The following TM4SF4 variants were observed in gnomAD, a reference collection of about 807,000 sequenced individuals.
TM4SF4 encodes the protein transmembrane 4 L6 family member 4.
In TM4SF4, 24 loss-of-function variants were observed where a neutral mutation model predicts 24.1. The ratio of observed to expected loss-of-function variants is 1.00; its 90% CI spans 0.72 to 1.40. TM4SF4 has a LOEUF of 1.40. Among genes scored for constraint, TM4SF4 ranks in the 40% most tolerant of loss-of-function variants. The probability of loss-of-function intolerance (pLI) is 0.00; values close to 1 mark genes in which losing one functional copy is unlikely to be tolerated. For missense variants in TM4SF4, 254 were observed against 254.2 expected (o/e 1.00, Z 0.01); for synonymous variants, 113 against 97.0 (o/e 1.17, Z -0.97).
In TM4SF4 at chr3:149,489,984, T is replaced by C. The variant is rs947501460; in HGVS notation, c.401+2229T>C. On this transcript the variant is annotated intron_variant, in intron 3 of 4. Transcript: ENST00000305354. ...ACAGCTGCTTCAAACTATAATGTGA[T>C]AAAAAATTACTGTACAGGGATGTAT... is the stretch of plus-strand genomic sequence containing the variant. 2.6e-5 allele frequency among the ~76,000 whole-genome samples: 4 copies of C among 152,150 alleles called. 1 individual carries two copies. Among genetic ancestry groups the C allele is most frequent in the African/African-American group, 4.8e-5 (2 of 41,424 alleles).
intron 4 of TM4SF4, among the ~76,000 whole-genome samples, chr3:149,501,001 A>C (rs1734409865): frequency 7.2e-6 from 1 of 139,214 alleles, no homozygotes; most frequent in Non-Finnish European, 1.5e-5. Context: ...TGCACCCTGG[A>C]TAACAGAACA....
Position 149,498,749 on chromosome 3 carries a change from G to A in TM4SF4, c.429G>A (p.Trp143Ter). 6.2e-7 allele frequency: 1 copy of A among 1,613,954 alleles called. No homozygotes were observed. Among genetic ancestry groups the A allele is most frequent in the Non-Finnish European group, 8.5e-7 (1 of 1,179,872 alleles). ...DGDYLNDEAL[W>*]NKCREPLNVV... ...ATTATCTCAATGATGAGGCCTTATG[G>A]AACAAGTGCCGAGAGCCTCTCAATG... Residue 143 changes from tryptophan to a stop codon, truncating the protein, a stop_gained, in exon 4 of 5, where the codon TGG (tryptophan) becomes TGA (stop). Coordinates refer to ENST00000305354, the MANE Select transcript of TM4SF4 (RefSeq NM_004617.4). LOFTEE classifies it high-confidence loss of function.
At position 149,474,850 on chromosome 3, in the gene TM4SF4, T is replaced by C; in HGVS notation, c.-28T>C. 1 of 1,587,020 alleles carries C rather than the reference T, an allele frequency of 6.3e-7. No homozygotes were observed. The highest frequency in any genetic ancestry group is 1.4e-5 in the African/African-American group (1 of 73,526). ...GAAGGAGGCAGTGAGGAGCTTTTGA[T>C]TGCTGACCTGTGTCGTACCACCCCA... On this transcript the variant is annotated 5_prime_UTR_variant, in exon 1 of 5. Coordinates refer to ENST00000305354, the MANE Select transcript of TM4SF4 (RefSeq NM_004617.4).
At chr3:149,493,279 G>A (rs1275849686) in intron 3 of TM4SF4, among the ~76,000 whole-genome samples, 1 of 152,160 alleles carries the variant, frequency 6.6e-6, no homozygotes, top group East Asian at 1.9e-4. Context: ...TGTGATATAA[G>A]TAACCCTTGA....
At chr3:149,502,161 G>T (rs1012462888) in intron 4 of TM4SF4, among the ~76,000 whole-genome samples, 1 of 152,118 alleles carries the variant, frequency 6.6e-6, no homozygotes, top group Admixed American at 6.6e-5. Flanking sequence ...CTGCCTCCCT[G>T]GTTCAAATCC....
At chr3:149,482,283 T>C (rs1254462264) in intron 2 of TM4SF4, among the ~76,000 whole-genome samples, 1 of 152,218 alleles carries the variant, frequency 6.6e-6, no homozygotes, top group East Asian at 1.9e-4. Flanking sequence ...CTGTAATCCA[T>C]ACCTTTGACA....
At chr3:149,478,454 A>G (rs1239408957) in intron 2 of TM4SF4, among the ~76,000 whole-genome samples, 3 of 152,108 alleles carry the variant, frequency 2.0e-5, no homozygotes, top group Non-Finnish European at 4.4e-5. Flanking sequence ...CGGAAAAAAA[A>G]TGTTTTTATA....
At chr3:149,479,057 G>A (rs1291182442) in intron 2 of TM4SF4, among the ~76,000 whole-genome samples, 1 of 152,200 alleles carries the variant, frequency 6.6e-6, no homozygotes, top group Non-Finnish European at 1.5e-5. Context: ...GTGAGCCACT[G>A]CGCCTGGCCG....
At chr3:149,481,811 G>A (rs1196025618) in intron 2 of TM4SF4, among the ~76,000 whole-genome samples, 5 of 152,318 alleles carry the variant, frequency 3.3e-5, no homozygotes, top group Non-Finnish European at 7.4e-5. Context: ...CATTTGCAGT[G>A]TATGCTATAT....
At chr3:149,479,691 G>A (rs1010499030) in intron 2 of TM4SF4, among the ~76,000 whole-genome samples, 3 of 152,202 alleles carry the variant, frequency 2.0e-5, no homozygotes, top group African/African-American at 7.2e-5. Flanking sequence ...GCAATAGGGA[G>A]CATTGCATAG....
At chr3:149,492,814 A>G (rs1255161758) in intron 3 of TM4SF4, among the ~76,000 whole-genome samples, 1 of 152,240 alleles carries the variant, frequency 6.6e-6, no homozygotes, top group African/African-American at 2.4e-5. Context: ...AAAGAACATC[A>G]TAAGCTGCTT....
At chr3:149,498,645 T>C (rs1734358163) in intron 3 of TM4SF4, 77 bp from the exon 4 acceptor site, 2 of 1,350,072 alleles carry the variant, frequency 1.5e-6, no homozygotes, top group South Asian at 1.3e-5. Flanking sequence ...ATGAGAAACA[T>C]TGTTATGGTA....
Position 149,474,836 on chromosome 3 carries a change from T to G in TM4SF4, c.-42T>G. Reference sequence around the variant, plus strand: ...TGAAGAGGCCCCGTGAAGGAGGCAGTGAGGAGCTTTTGATTGCTGACCTGT... The same window carrying G: ...TGAAGAGGCCCCGTGAAGGAGGCAGGGAGGAGCTTTTGATTGCTGACCTGT... On this transcript the variant is annotated 5_prime_UTR_variant, in exon 1 of 5. Coordinates refer to ENST00000305354, the MANE Select transcript of TM4SF4 (RefSeq NM_004617.4). The G allele has an allele frequency of 1.1e-5, 17 of 1,566,314 alleles. No individual in the cohort carries two copies. Among genetic ancestry groups the G allele is most frequent in the East Asian group, 2.3e-5 (1 of 43,736 alleles).
chr3:149,496,699 CA>C (rs200209829), intron 3 of TM4SF4, among the ~76,000 whole-genome samples: 12,104 of 152,072 alleles, frequency 0.08, 1,059 homozygotes, highest in East Asian at 0.43. Flanking sequence ...ACCCGGGAGG[CA>C]CAGGTTGCAG....
Position 149,498,859 on chromosome 3 carries a change from A to G in TM4SF4, c.539A>G (p.Asn180Ser), listed in dbSNP as rs201177175. ...QMVLCAIQVVNGLLGTLCGDC... is the reference protein window; with the variant it reads ...QMVLCAIQVVSGLLGTLCGDC... ...GTTCTCTGCGCCATCCAGGTGGTCA[A>G]TGGCCTCCTGGGGACCCTCTGTGGG... Residue 180 changes from asparagine (N) to serine (S), a missense_variant, in exon 4 of 5, where the codon AAT becomes AGT. Transcript: ENST00000305354. 628 of 1,613,974 alleles carry G rather than the reference A, an allele frequency of 3.9e-4. 5 individuals are homozygous for G. Among genetic ancestry groups the G allele is most frequent in the South Asian group, 1.9e-3 (173 of 91,084 alleles).
intron 3 of TM4SF4, among the ~76,000 whole-genome samples, chr3:149,491,918 G>A (rs1251240138): frequency 6.6e-6 from 1 of 152,142 alleles, no homozygotes; most frequent in Non-Finnish European, 1.5e-5. Context: ...GGAGAGATTT[G>A]CAGAAGGGGC....
rs182806431 is a variant in TM4SF4, at chr3:149,478,198, C to T, written c.264+2286C>T. Among the ~76,000 whole-genome samples, 4 of 152,280 alleles carry T rather than the reference C, an allele frequency of 2.6e-5. No individual in the cohort carries two copies. The East Asian group carries it at 7.7e-4, about 29-fold the overall frequency. On this transcript the variant is annotated intron_variant, in intron 2 of 4. Transcript: ENST00000305354. ...TTAGCTCTTGTTGCCCAGGCTGGAG[C>T]GCAATGGCGCGATCTCGGCTCACTG... is the stretch of plus-strand genomic sequence containing the variant.
At chr3:149,499,655 A>G (rs2107877448) in intron 4 of TM4SF4, among the ~76,000 whole-genome samples, 1 of 150,270 alleles carries the variant, frequency 6.7e-6, no homozygotes, top group Admixed American at 6.6e-5. Context: ...TATGTAAATA[A>G]AGGTCTATTC....
At chr3:149,488,246 A>T (rs142800838) in intron 3 of TM4SF4, among the ~76,000 whole-genome samples, 130 of 152,364 alleles carry the variant, frequency 8.5e-4, no homozygotes, top group African/African-American at 3.0e-3. Flanking sequence ...TAGGTTTCTC[A>T]TGTTAATGTT....
Sources: gnomAD v4.1 joint callset for allele counts (sites outside exome capture counted in the v4.1 genomes callset) on GRCh38, gnomAD v4.1.1 for gene constraint, MANE v1.5 for transcripts, NCBI Gene and HGNC (gene_info 2026-07-23, HGNC 2026-07-21) for gene names.